P3H2: variants seen among roughly 807,000 people sequenced by gnomAD.
P3H2 encodes leprecan-like 1.
Under a neutral mutation model 87.0 loss-of-function variants are expected in P3H2, and 80 were observed. The observed-to-expected ratio is 0.92, with a 90% confidence interval of 0.77 to 1.11. P3H2 has a LOEUF of 1.11. Ranked by LOEUF, P3H2 falls within the 50% of genes least tolerant of loss-of-function variation. The pLI is 0.00. For missense variants in P3H2, 1,001 were observed against 923.9 expected (o/e 1.08, Z -1.08); for synonymous variants, 367 against 359.3 (o/e 1.02, Z -0.24).
rs1712552943 is a variant in P3H2, at chr3:190,120,863, C to T, written c.-132G>A. On this transcript the variant is annotated 5_prime_UTR_variant, in exon 1 of 15. Coordinates refer to ENST00000319332, the MANE Select transcript of P3H2 (RefSeq NM_018192.4). The stretch of plus-strand genomic sequence containing the variant: ...CCGCGATCTGGCCGCTCCGCGAGCC[C>T]CAGGTGACCGCCGGCGCTCCGCGTA... 4 of 1,371,090 alleles carry T rather than the reference C, an allele frequency of 2.9e-6. No homozygotes were observed. In the East Asian group the frequency reaches 8.8e-5, roughly 30 times the overall value. The allele number at this position is 1,371,090 out of a possible 1,614,324, so 84.9% of individuals were successfully genotyped here. A position where few individuals can be genotyped will look rare whatever the true frequency, so the allele number is the denominator to read the frequency against.
intron 1 of P3H2, among the ~76,000 whole-genome samples, chr3:190,008,156 G>C (rs1724454506): frequency 6.6e-6 from 1 of 151,588 alleles, no homozygotes; most frequent in Admixed American, 6.6e-5. Context: ...TTCTTCTCAG[G>C]GTCACGTGGG....
chr3:190,093,171 A>T (rs1310773703), intron 1 of P3H2, among the ~76,000 whole-genome samples: 6 of 152,190 alleles, frequency 3.9e-5, no homozygotes, highest in African/African-American at 1.4e-4. Flanking sequence ...TTGATAAACA[A>T]CTCTAAAACC....
At chr3:189,988,049 A>T (rs998918890) in intron 4 of P3H2, among the ~76,000 whole-genome samples, 10 of 152,222 alleles carry the variant, frequency 6.6e-5, no homozygotes, top group Admixed American at 2.6e-4. Context: ...ACAGTAATGT[A>T]CCATTTTATA....
intron 1 of P3H2, among the ~76,000 whole-genome samples, chr3:190,010,085 T>G (rs1256159057): frequency 6.6e-6 from 1 of 152,202 alleles, no homozygotes; most frequent in African/African-American, 2.4e-5. Context: ...TTGCATATTC[T>G]CAAAGAGAAG....
At chr3:190,097,221 T>C (rs1308955239) in intron 1 of P3H2, among the ~76,000 whole-genome samples, 1 of 150,052 alleles carries the variant, frequency 6.7e-6, no homozygotes, top group African/African-American at 2.4e-5. Flanking sequence ...GGAGAATCAA[T>C]GTGAAACTGA....
At chr3:190,117,257 T>A (rs187914263) in intron 1 of P3H2, among the ~76,000 whole-genome samples, 174 of 152,290 alleles carry the variant, frequency 1.1e-3, no homozygotes, top group Middle Eastern at 6.8e-3. Context: ...ACTCATTGGG[T>A]CTCAGATTTC....
rs1485875258 is a variant in P3H2 at position 190,041,464 on chromosome 3, C to A, written c.481-46022G>T. On this transcript the variant is annotated intron_variant, in intron 1 of 14. Coordinates refer to ENST00000319332, the MANE Select transcript of P3H2 (RefSeq NM_018192.4). Reference sequence around the variant, plus strand: ...AATTCTTAGTCCAATAAGGGGAAATCCCGAGAGGTTCACAGCTGGCTCTGC... The same window carrying A: ...AATTCTTAGTCCAATAAGGGGAAATACCGAGAGGTTCACAGCTGGCTCTGC... Among the ~76,000 whole-genome samples the A allele has an allele frequency of 2.0e-5, 3 of 152,004 alleles. No homozygotes were observed. The East Asian group carries it at 5.8e-4, about 29-fold the overall frequency.
At chr3:189,967,183 C>A (rs552106284) in intron 13 of P3H2, among the ~76,000 whole-genome samples, 3 of 151,976 alleles carry the variant, frequency 2.0e-5, no homozygotes, top group Admixed American at 6.6e-5. Flanking sequence ...CCACTGTATG[C>A]ATTAATATGA....
At chr3:190,064,723 A>G (rs760414085) in intron 1 of P3H2, among the ~76,000 whole-genome samples, 21 of 152,144 alleles carry the variant, frequency 1.4e-4, no homozygotes, top group Non-Finnish European at 2.9e-4. Context: ...TCTATATTTG[A>G]AAAATATAAA....
chr3:190,114,764 C>A lies in P3H2; in HGVS notation c.480+5488G>T, dbSNP rs140604404. On this transcript the variant is annotated intron_variant, in intron 1 of 14. Coordinates refer to ENST00000319332, the MANE Select transcript of P3H2 (RefSeq NM_018192.4). ...TAAAGAGAGGGGGGAAAAGCTTCAT[C>A]TTTTGAGGAAATAACCATTAGAACA... Among the ~76,000 whole-genome samples, 112 of 152,230 alleles carry A rather than the reference C, an allele frequency of 7.4e-4. 1 individual carries two copies. The East Asian group carries it at 0.018, about 24-fold the overall frequency.
At chr3:189,986,546 G>C (rs777286401) in intron 6 of P3H2, among the ~76,000 whole-genome samples, 60 of 152,184 alleles carry the variant, frequency 3.9e-4, no homozygotes, top group South Asian at 2.1e-3. Context: ...CCGAGATCAC[G>C]CCACTGCACT....
intron 1 of P3H2, among the ~76,000 whole-genome samples, chr3:190,005,625 T>C (rs1236114633): frequency 6.6e-6 from 1 of 152,258 alleles, no homozygotes; most frequent in Non-Finnish European, 1.5e-5. Flanking sequence ...TTTCCACTTG[T>C]ACCTTTTTGG....
intron 8 of P3H2, among the ~76,000 whole-genome samples, chr3:189,980,663 T>C (rs1723505156): frequency 6.6e-6 from 1 of 152,232 alleles, no homozygotes; most frequent in Non-Finnish European, 1.5e-5. Flanking sequence ...ATCTGACGAC[T>C]GGACAACAGG....
intron 1 of P3H2, among the ~76,000 whole-genome samples, chr3:190,038,344 C>T (rs1480757365): frequency 1.3e-5 from 2 of 151,702 alleles, no homozygotes; most frequent in East Asian, 1.9e-4. Flanking sequence ...ACTTTTGGCA[C>T]TAGAAGTGCT....
intron 1 of P3H2, among the ~76,000 whole-genome samples, chr3:190,030,072 AG>A (rs1199515780): frequency 6.6e-6 from 1 of 152,128 alleles, no homozygotes; most frequent in Non-Finnish European, 1.5e-5. Context: ...TCAGTTAAAT[AG>A]CTGTATAAAA....
intron 1 of P3H2, among the ~76,000 whole-genome samples, chr3:190,066,042 AT>A (rs1277798996): frequency 6.6e-6 from 1 of 151,814 alleles, no homozygotes; most frequent in Non-Finnish European, 1.5e-5. Flanking sequence ...TTGATTTCCA[AT>A]TTTATTCCAC....
At chr3:190,100,134 T>A (rs573254436) in intron 1 of P3H2, among the ~76,000 whole-genome samples, 161 of 151,934 alleles carry the variant, frequency 1.1e-3, no homozygotes, top group African/African-American at 3.8e-3. Context: ...CTTGGGAGGC[T>A]GAGGCAGGAG....
intron 1 of P3H2, among the ~76,000 whole-genome samples, chr3:189,999,848 C>T (rs1255355151): frequency 6.6e-6 from 1 of 152,158 alleles, no homozygotes; most frequent in Non-Finnish European, 1.5e-5. Context: ...GGGCCATTTC[C>T]TCTCAAGCTG....
Position 190,104,445 on chromosome 3 carries a change from A to G in P3H2, c.480+15807T>C, listed in dbSNP as rs144797425. Among the ~76,000 whole-genome samples the G allele has an allele frequency of 6.5e-3, 997 of 152,252 alleles. 11 individuals are homozygous for G. The highest frequency in any genetic ancestry group is 0.023 in the African/African-American group (944 of 41,546). ...AACTTCAAAGAGGAGGGAGCTGGATAAAGGGATTATTTAAATATTATTATA... is the reference window on the plus strand; with the variant it reads ...AACTTCAAAGAGGAGGGAGCTGGATGAAGGGATTATTTAAATATTATTATA... On this transcript the variant is annotated intron_variant, in intron 1 of 14. Coordinates refer to ENST00000319332, the MANE Select transcript of P3H2 (RefSeq NM_018192.4).
Sources: gnomAD v4.1 joint callset for allele counts (sites outside exome capture counted in the v4.1 genomes callset) on GRCh38, gnomAD v4.1.1 for gene constraint, MANE v1.5 for transcripts, NCBI Gene and HGNC (gene_info 2026-07-23, HGNC 2026-07-21) for gene names.